Variants in HEATR4 observed in about 807,000 individuals in gnomAD.
The protein encoded by HEATR4 is HEAT repeat containing 4.
A neutral mutation model predicts 108.8 loss-of-function variants in HEATR4; 95 were observed. The ratio of observed to expected loss-of-function variants is 0.87; its 90% confidence interval spans 0.74 to 1.04. HEATR4 has a LOEUF of 1.04. Among genes scored for constraint, HEATR4 ranks in the 50% least tolerant of loss-of-function variants. HEATR4 has a pLI of 0.00. For synonymous variants in HEATR4, 443 were observed against 459.4 expected, an observed-to-expected ratio of 0.96 and a Z score of 0.46; for missense variants, 1,152 against 1,253.8, an observed-to-expected ratio of 0.92 and a Z score of 1.23.
chr14:73,579,633 T>C, the HEATR4 span, among the ~76,000 whole-genome samples: 2 of 146,532 alleles, frequency 1.4e-5, 1 homozygote, highest in Non-Finnish European at 3.0e-5. Flanking sequence ...CCCATGCTGG[T>C]CTTAAACACC....
chr14:73,495,491 G>T, intron 15 of HEATR4, 104 bp from the exon 16 acceptor site: 1 of 945,324 alleles, frequency 1.1e-6, no homozygotes, highest in South Asian at 1.6e-5. Context: ...GCTGAGGAGG[G>T]AGGATCACTT....
chr14:73,592,294 A>C, the HEATR4 span: 1 of 1,610,776 alleles, frequency 6.2e-7, no homozygotes, highest in Non-Finnish European at 8.5e-7. Flanking sequence ...CTGGACGGCC[A>C]CGACCCCGAG....
intron 2 of HEATR4, among the ~76,000 whole-genome samples, chr14:73,524,001 T>C (rs978819950): frequency 6.6e-6 from 1 of 152,056 alleles, no homozygotes; most frequent in African/African-American, 2.4e-5. Context: ...AAATATTTAA[T>C]AGCTGTAGGC....
In HEATR4 at chr14:73,547,546, C is replaced by G. The variant is rs77914951; in HGVS notation, c.-152+11205G>C. Among the ~76,000 whole-genome samples the G allele has an allele frequency of 5.9e-3, 672 of 114,640 alleles. 63 individuals carry two copies. The highest frequency in any genetic ancestry group is 0.018 in the African/African-American group (623 of 35,402). The allele number at this position is 114,640 out of a possible 152,430, so 75.2% of individuals were successfully genotyped here. Reference sequence around the variant, plus strand: ...ATTTTAAAGGGAACCACAACATAACCAATACCCAAGTCCAATCGGCATGGT... The same window carrying G: ...ATTTTAAAGGGAACCACAACATAACGAATACCCAAGTCCAATCGGCATGGT... On this transcript the variant is annotated intron_variant, in intron 1 of 17. Transcript: ENST00000553558.
At chr14:73,495,106 G>T in intron 16 of HEATR4, 122 bp downstream of exon 16, 1 of 733,600 alleles carries the variant, frequency 1.4e-6, no homozygotes, top group Non-Finnish European at 2.2e-6. Context: ...CAAGAGGGAA[G>T]AGAGTACCCT....
chr14:73,591,699 G>C, the HEATR4 span: 22 of 384,382 alleles, frequency 5.7e-5, no homozygotes, highest in South Asian at 2.9e-3. Flanking sequence ...GCTTTCTACG[G>C]GGTGGGTTGG....
intron 1 of HEATR4, among the ~76,000 whole-genome samples, chr14:73,546,106 C>A (rs1889225791): frequency 8.9e-6 from 1 of 112,174 alleles, no homozygotes; most frequent in Non-Finnish European, 1.9e-5. Context: ...CTCAGCCTCC[C>A]AAGTAGCTGG....
At chr14:73,525,192 C>A (rs1351644883) in intron 2 of HEATR4, among the ~76,000 whole-genome samples, 1 of 152,008 alleles carries the variant, frequency 6.6e-6, no homozygotes, top group Admixed American at 6.6e-5. Flanking sequence ...CCACCACACC[C>A]AGCTATCTGT....
the HEATR4 span, among the ~76,000 whole-genome samples, chr14:73,609,465 G>A: frequency 2.5e-4 from 38 of 152,152 alleles, no homozygotes; most frequent in African/African-American, 7.7e-4. Context: ...CTGCCAGGTC[G>A]TGGCTGATTC....
chr14:73,633,010 T>TC, the HEATR4 span, among the ~76,000 whole-genome samples: 1 of 147,864 alleles, frequency 6.8e-6, no homozygotes, highest in Non-Finnish European at 1.5e-5. Flanking sequence ...TCTCTCTCTT[T>TC]TTTTTTTTTT....
chr14:73,612,045 T>TC, the HEATR4 span, among the ~76,000 whole-genome samples: 2 of 126,242 alleles, frequency 1.6e-5, no homozygotes, highest in African/African-American at 6.3e-5. Context: ...TCATTAACTC[T>TC]TTTTTTTTTT....
the HEATR4 span, among the ~76,000 whole-genome samples, chr14:73,565,036 C>T: frequency 2.0e-5 from 3 of 151,998 alleles, no homozygotes; most frequent in Admixed American, 6.6e-5. Context: ...TCATTTATGA[C>T]ATCACAATTA....
chr14:73,580,037 G>A, the HEATR4 span, among the ~76,000 whole-genome samples: 4 of 152,186 alleles, frequency 2.6e-5, no homozygotes, highest in Admixed American at 2.6e-4. Flanking sequence ...GTCGGAGGTT[G>A]CAGTGAGCCA....
chr14:73,514,211 G>A lies in HEATR4; in HGVS notation c.1234C>T (p.Leu412=). The change falls in exon 6 of 18, where the codon CTG becomes TTG. Residue 412 remains leucine, a synonymous_variant. Transcript: ENST00000553558. ...EASYRPVQGA[L]RWTALPTPAK... ...GGGGTGGGCAAAGCAGTCCAGCGCA[G>A]GGCTCCTTGCACAGGTCTGTAAGCT... is the stretch of plus-strand genomic sequence containing the variant. 6.2e-7 allele frequency: 1 copy of A among 1,614,136 alleles called. No individual in the cohort carries two copies. The highest frequency in any genetic ancestry group is 8.5e-7 in the Non-Finnish European group (1 of 1,180,020).
At chr14:73,504,605 G>T (rs929868731) in intron 10 of HEATR4, among the ~76,000 whole-genome samples, 4 of 152,132 alleles carry the variant, frequency 2.6e-5, no homozygotes, top group Admixed American at 2.6e-4. Context: ...GACTTTAGCA[G>T]CAGGGTGCTA....
intron 4 of HEATR4, chr14:73,520,506 A>G (rs1368062844): frequency 5.4e-6 from 1 of 186,114 alleles, no homozygotes; most frequent in East Asian, 1.3e-4. Context: ...GTGGGAGAAT[A>G]TCTCGAAGTG....
At chr14:73,552,075 A>T (rs1369013434) in intron 1 of HEATR4, among the ~76,000 whole-genome samples, 1 of 114,630 alleles carries the variant, frequency 8.7e-6, no homozygotes, top group African/African-American at 2.8e-5. Context: ...GTCTCTTCCA[A>T]GTGAACTTTC....
chr14:73,569,654 G>T, the HEATR4 span: 60 of 1,605,840 alleles, frequency 3.7e-5, no homozygotes, highest in Admixed American at 6.7e-5. Context: ...CGGGGCTTGA[G>T]CCCATGGGGC....
intron 11 of HEATR4, among the ~76,000 whole-genome samples, chr14:73,501,879 G>A (rs919480111): frequency 2.0e-5 from 3 of 151,496 alleles, no homozygotes; most frequent in South Asian, 2.1e-4. Context: ...TCAGCCTCCC[G>A]AATAGCTGGG....
Sources: allele counts gnomAD v4.1 joint callset (sites outside exome capture counted in the v4.1 genomes callset), GRCh38; gene constraint gnomAD v4.1.1; transcripts MANE v1.5; gene names NCBI Gene and HGNC (gene_info 2026-07-23, HGNC 2026-07-21).